MACROD2: variants seen among roughly 807,000 people sequenced by gnomAD.
MACROD2 encodes mono-ADP ribosylhydrolase 2, also known as ADP-ribose glycohydrolase MACROD2.
A neutral mutation model predicts 70.4 loss-of-function variants in MACROD2; 36 were observed. That is an observed-to-expected ratio of 0.51 (90% CI 0.39 to 0.68). MACROD2 has a LOEUF of 0.68. Among genes scored for constraint, MACROD2 ranks in the 30% least tolerant of loss-of-function variants. MACROD2 has a pLI of 0.00. For synonymous variants in MACROD2, 172 were observed against 178.8 expected (o/e 0.96, Z 0.30); for missense variants, 496 against 538.4 (o/e 0.92, Z 0.78).
At chr20:14,005,187 A>T (rs993601680) in intron 2 of MACROD2, among the ~76,000 whole-genome samples, 1 of 152,188 alleles carries the variant, frequency 6.6e-6, no homozygotes, top group African/African-American at 2.4e-5. Flanking sequence ...GGGGGAAGCA[A>T]GTTTTATTTT....
At chr20:15,973,818 A>G (rs2066266216) in intron 13 of MACROD2, among the ~76,000 whole-genome samples, 1 of 152,242 alleles carries the variant, frequency 6.6e-6, no homozygotes, top group African/African-American at 2.4e-5. Flanking sequence ...TTAGAAGTCT[A>G]GCAAAAAAAT....
chr20:15,602,134 T>C (rs1355719672), intron 8 of MACROD2, among the ~76,000 whole-genome samples: 1 of 152,168 alleles, frequency 6.6e-6, no homozygotes, highest in Non-Finnish European at 1.5e-5. Context: ...CACTGAAGAA[T>C]GTAGACCCCA....
intron 5 of MACROD2, among the ~76,000 whole-genome samples, chr20:14,769,684 C>A (rs1004933802): frequency 1.3e-5 from 2 of 152,024 alleles, no homozygotes; most frequent in Non-Finnish European, 2.9e-5. Flanking sequence ...TTTGGTGCAA[C>A]CTTACATACA....
At chr20:14,727,081 T>C (rs913949456) in intron 5 of MACROD2, among the ~76,000 whole-genome samples, 1 of 152,324 alleles carries the variant, frequency 6.6e-6, no homozygotes, top group Admixed American at 6.5e-5. Flanking sequence ...AATGTAGTTT[T>C]GCCTTTTTGT....
intron 5 of MACROD2, among the ~76,000 whole-genome samples, chr20:14,744,962 C>A (rs1399834223): frequency 6.6e-6 from 1 of 152,132 alleles, no homozygotes; most frequent in East Asian, 1.9e-4. Flanking sequence ...TGTTTCTCAG[C>A]AATAGATAAC....
chr20:15,906,760 T>C (rs2065153132), intron 10 of MACROD2, among the ~76,000 whole-genome samples: 1 of 152,226 alleles, frequency 6.6e-6, no homozygotes, highest in African/African-American at 2.4e-5. Context: ...CCAATTTGGA[T>C]TGGTCTGATG....
At chr20:14,244,668 C>A (rs145375274) in intron 3 of MACROD2, among the ~76,000 whole-genome samples, 140 of 152,278 alleles carry the variant, frequency 9.2e-4, no homozygotes, top group African/African-American at 3.2e-3. Context: ...CAGAGGTGTT[C>A]TGTTCTCTAA....
intron 8 of MACROD2, among the ~76,000 whole-genome samples, chr20:15,714,518 T>C (rs1453586935): frequency 6.6e-6 from 1 of 152,160 alleles, no homozygotes; most frequent in Non-Finnish European, 1.5e-5. Context: ...AGTTGGGGGA[T>C]GGTAAGACAA....
At chr20:15,353,607 G>T (rs988444471) in intron 6 of MACROD2, among the ~76,000 whole-genome samples, 11 of 151,624 alleles carry the variant, frequency 7.3e-5, no homozygotes, top group Non-Finnish European at 1.3e-4. Flanking sequence ...CTACTCATCT[G>T]ACAAAGGGCT....
chr20:14,215,335 T>TACACACACACACAC (rs1310041778), intron 3 of MACROD2, among the ~76,000 whole-genome samples: 4 of 101,670 alleles, frequency 3.9e-5, no homozygotes, highest in Non-Finnish European at 6.6e-5. Context: ...TGCCATCATA[T>TACACACACACACAC]ATACACACAC....
intron 5 of MACROD2, among the ~76,000 whole-genome samples, chr20:14,918,626 T>G (rs942528351): frequency 2.7e-4 from 41 of 151,606 alleles, no homozygotes; most frequent in African/African-American, 8.9e-4. Context: ...TGTTTTTTTT[T>G]TTTTTTCTGG....
intron 6 of MACROD2, among the ~76,000 whole-genome samples, chr20:15,316,676 A>G (rs2077814674): frequency 6.6e-6 from 1 of 152,118 alleles, no homozygotes; most frequent in Non-Finnish European, 1.5e-5. Context: ...GAACTTGAAT[A>G]GCACCATACA....
intron 8 of MACROD2, among the ~76,000 whole-genome samples, chr20:15,816,273 T>G (rs1170944390): frequency 6.6e-6 from 1 of 152,106 alleles, no homozygotes; most frequent in East Asian, 1.9e-4. Context: ...AAATAATGTT[T>G]TCTGTAAGTG....
intron 3 of MACROD2, among the ~76,000 whole-genome samples, chr20:14,466,718 G>T (rs987702074): frequency 6.6e-6 from 1 of 151,956 alleles, no homozygotes; most frequent in African/African-American, 2.4e-5. Flanking sequence ...TTTTGGTGTG[G>T]ATGTCCTTTC....
chr20:14,532,599 T>C (rs1354594584), intron 4 of MACROD2, among the ~76,000 whole-genome samples: 1 of 152,108 alleles, frequency 6.6e-6, no homozygotes, highest in Admixed American at 6.5e-5. Context: ...TGAGATCATT[T>C]ATAGTCATTC....
At chr20:14,868,192 CT>C (rs377525277) in intron 5 of MACROD2, among the ~76,000 whole-genome samples, 13,768 of 144,376 alleles carry the variant, frequency 0.095, 803 homozygotes, top group Non-Finnish European at 0.13. Context: ...TTCTTTCTTT[CT>C]TTTTTTTTTT....
At chr20:15,416,166 T>G (rs2046145795) in intron 6 of MACROD2, among the ~76,000 whole-genome samples, 2 of 152,318 alleles carry the variant, frequency 1.3e-5, no homozygotes, top group South Asian at 4.1e-4. Flanking sequence ...TAATAGACTC[T>G]GGTTGATAAA....
chr20:15,461,006 A>ATATATATTTTTTTTTTTTTTT, intron 7 of MACROD2, among the ~76,000 whole-genome samples: 1 of 66,992 alleles, frequency 1.5e-5, no homozygotes, highest in African/African-American at 4.2e-5. Context: ...ATATATATAT[A>ATATATATTTTTTTTTTTTTTT]TTTTTTTTTA....
intron 3 of MACROD2, among the ~76,000 whole-genome samples, chr20:14,361,241 C>G (rs2083218876): frequency 6.6e-6 from 1 of 152,140 alleles, no homozygotes; most frequent in African/African-American, 2.4e-5. Flanking sequence ...CCATCCCTAG[C>G]CTATTCTAGA....
Sources: gnomAD v4.1 joint callset for allele counts (sites outside exome capture counted in the v4.1 genomes callset) on GRCh38, gnomAD v4.1.1 for gene constraint, MANE v1.5 for transcripts, NCBI Gene and HGNC (gene_info 2026-07-23, HGNC 2026-07-21) for gene names.